EVC2: variants seen among roughly 807,000 people sequenced by gnomAD.
The protein encoded by EVC2 is limbin.
A neutral mutation model predicts 149.3 loss-of-function variants in EVC2; 148 were observed. That is an observed-to-expected ratio of 0.99 (90% confidence interval 0.87 to 1.14). EVC2 has a LOEUF of 1.14. EVC2 is among the 50% of genes most tolerant of loss of function. The pLI, the probability that EVC2 is intolerant of heterozygous loss-of-function variation, is 0.00. For missense variants in EVC2, 1,854 were observed against 1,627.3 expected (o/e 1.14, Z -2.40); for synonymous variants, 776 against 649.9 (o/e 1.19, Z -2.95).
chr4:5,575,954 C>A (rs1051529935), intron 18 of EVC2, among the ~76,000 whole-genome samples: 1 of 152,162 alleles, frequency 6.6e-6, no homozygotes, highest in South Asian at 2.1e-4. Context: ...GTACATGGCA[C>A]TCTCCCTACT....
intron 7 of EVC2, among the ~76,000 whole-genome samples, chr4:5,671,655 G>A (rs1719658855): frequency 6.6e-6 from 1 of 152,144 alleles, no homozygotes; most frequent in Non-Finnish European, 1.5e-5. Flanking sequence ...GGGATTACAG[G>A]CGCCTGCCAC....
downstream of EVC2, among the ~76,000 whole-genome samples, chr4:5,560,419 G>A (rs541369484): frequency 2.8e-4 from 42 of 152,280 alleles, no homozygotes; most frequent in African/African-American, 4.8e-4. This position sits in a 1 kb window ranked among gnomAD's most constrained non-coding sequence, Gnocchi z 4.1. Flanking sequence ...AAGGCGAAGC[G>A]GAAGAACAGC....
intron 21 of EVC2, among the ~76,000 whole-genome samples, chr4:5,554,897 T>A (rs1056081110): frequency 1.3e-5 from 2 of 152,252 alleles, no homozygotes; most frequent in African/African-American, 2.4e-5. Flanking sequence ...GAAATGTATT[T>A]AATTCAAATG....
intron 9 of EVC2, among the ~76,000 whole-genome samples, chr4:5,658,867 C>A (rs1009218244): frequency 6.6e-6 from 1 of 152,176 alleles, no homozygotes; most frequent in African/African-American, 2.4e-5. Flanking sequence ...AAGGCTGGAG[C>A]TAAAACATGC....
At chr4:5,689,515 G>A (rs1720964287) in intron 4 of EVC2, among the ~76,000 whole-genome samples, 172 bp from the exon 5 acceptor site, 1 of 152,176 alleles carries the variant, frequency 6.6e-6, no homozygotes, top group African/African-American at 2.4e-5. Flanking sequence ...AGACCCCCAA[G>A]AGGTTTTGAC....
At chr4:5,568,423 C>T in intron 20 of EVC2, 21 bp downstream of exon 20, 1 of 1,540,252 alleles carries the variant, frequency 6.5e-7, no homozygotes, top group East Asian at 2.4e-5. Context: ...CCCCGGGAGG[C>T]AGCCCCTCCA....
chr4:5,573,811 A>T (rs994393929), intron 19 of EVC2, among the ~76,000 whole-genome samples: 17 of 152,038 alleles, frequency 1.1e-4, no homozygotes, highest in African/African-American at 4.1e-4. Context: ...CCCTTCTTAG[A>T]GGCTGGGGGG....
intron 6 of EVC2, among the ~76,000 whole-genome samples, chr4:5,684,726 T>G (rs1720576629): frequency 6.6e-6 from 1 of 152,184 alleles, no homozygotes; most frequent in African/African-American, 2.4e-5. Flanking sequence ...TGTTAAAGTC[T>G]GAAGTCCAGT....
rs1722372638 is a variant in EVC2, at chr4:5,567,665, A to C, written c.3557+779T>G. Among the ~76,000 whole-genome samples, 1 of 151,724 alleles carries C rather than the reference A, an allele frequency of 6.6e-6. No individual in the cohort carries two copies. Among genetic ancestry groups the C allele is most frequent in the African/African-American group, 2.4e-5 (1 of 41,260 alleles). The stretch of plus-strand genomic sequence containing the variant: ...AAAAGCCTTTAATGACCAAATTCAC[A>C]CCTGGGGCCCCATCCTAAAGGAGAC... On this transcript the variant is annotated intron_variant, in intron 20 of 21. Transcript: ENST00000344408. The surrounding 1 kb of genome is among the most constrained non-coding windows in gnomAD (Gnocchi z 4.4).
chr4:5,639,339 C>T (rs982982950), intron 10 of EVC2, among the ~76,000 whole-genome samples: 1 of 152,192 alleles, frequency 6.6e-6, no homozygotes, highest in African/African-American at 2.4e-5. Flanking sequence ...CATAGGAAAA[C>T]AGAAATCAGG....
chr4:5,667,577 T>C lies in EVC2; in HGVS notation c.871-1928A>G, dbSNP rs112513965. Among the ~76,000 whole-genome samples the C allele has an allele frequency of 7.2e-3, 1,100 of 152,152 alleles. 15 individuals carry two copies. The highest frequency in any genetic ancestry group is 0.025 in the African/African-American group (1,044 of 41,486). On this transcript the variant is annotated intron_variant, in intron 7 of 21. Coordinates refer to ENST00000344408, the MANE Select transcript of EVC2 (RefSeq NM_147127.5). Reference sequence around the variant, plus strand: ...CATACAATCCCACTCACAGGTATGGTTTATTACAGCAAAAAGACACAAAGC... The same window carrying C: ...CATACAATCCCACTCACAGGTATGGCTTATTACAGCAAAAAGACACAAAGC...
At chr4:5,570,074 G>A (rs1339901941) in intron 19 of EVC2, among the ~76,000 whole-genome samples, 1 of 152,110 alleles carries the variant, frequency 6.6e-6, no homozygotes, top group Non-Finnish European at 1.5e-5. Context: ...TGGGTCAGGT[G>A]TCCCTCCTCT....
intron 3 of EVC2, among the ~76,000 whole-genome samples, chr4:5,693,000 C>T (rs1721230823): frequency 6.6e-6 from 1 of 152,202 alleles, no homozygotes; most frequent in Admixed American, 6.5e-5. Context: ...ATCCACTACA[C>T]CCCCGCTAAT....
chr4:5,622,852 T>C lies in EVC2; in HGVS notation c.2186A>G (p.Asp729Gly). ...ATLEELQERL[D>G]QAALDDLRTL... The stretch of plus-strand genomic sequence containing the variant: ...CCTGAGATCGTCCAGGGCGGCCTGG[T>C]CCAGACGCTCCTGCAGCTCCTCCAG... Residue 729 changes from aspartate (D) to glycine (G), a missense_variant, in exon 14 of 22, where the codon GAC becomes GGC. Transcript: ENST00000344408. The surrounding 1 kb of genome is among the most constrained non-coding windows in gnomAD (Gnocchi z 5.8). 6.2e-7 allele frequency: 1 copy of C among 1,614,082 alleles called. No individual in the cohort carries two copies. Among genetic ancestry groups the C allele is most frequent in the Non-Finnish European group, 8.5e-7 (1 of 1,180,018 alleles).
At chr4:5,598,658 G>T (rs1462931644) in intron 16 of EVC2, among the ~76,000 whole-genome samples, 8 of 151,980 alleles carry the variant, frequency 5.3e-5, no homozygotes, top group East Asian at 1.9e-4. Flanking sequence ...CATAGGCATG[G>T]GCAAGGACTT....
intron 19 of EVC2, among the ~76,000 whole-genome samples, chr4:5,573,855 G>A (rs1411869406): frequency 1.3e-5 from 2 of 152,162 alleles, no homozygotes; most frequent in East Asian, 3.9e-4. Flanking sequence ...CAGCTAGCAA[G>A]GCCCACGGGT....
In EVC2 at chr4:5,548,084, C is replaced by T. The variant is rs145291031; in HGVS notation, c.3420-4872G>A. Among the ~76,000 whole-genome samples, 7 of 152,196 alleles carry T rather than the reference C, an allele frequency of 4.6e-5. No homozygotes were observed. The East Asian group carries it at 5.9e-4, about 13-fold the overall frequency. ...AGCAGCTGGTGTGCCTGACTGTGCA[C>T]GGTGGCTGGACCCCTCGCTGGTTCA... On this transcript the variant is annotated intron_variant and NMD_transcript_variant, in intron 21 of 22. Coordinates refer to the EVC2 transcript ENST00000475313.
At chr4:5,540,152 G>C (rs1721489074), downstream of EVC2, among the ~76,000 whole-genome samples, 1 of 152,152 alleles carries the variant, frequency 6.6e-6, no homozygotes, top group South Asian at 2.1e-4. Context: ...TTGACTATTA[G>C]CATAAGTAAA....
At chr4:5,680,379 G>T (rs1392482871) in intron 7 of EVC2, among the ~76,000 whole-genome samples, 5 of 152,200 alleles carry the variant, frequency 3.3e-5, no homozygotes, top group Non-Finnish European at 5.9e-5. Flanking sequence ...AAACAGGTGA[G>T]TAAACGCACC....
Sources: gnomAD v4.1 joint callset for allele counts (sites outside exome capture counted in the v4.1 genomes callset) on GRCh38, gnomAD v4.1.1 for gene constraint, Gnocchi (gnomAD v3.1) non-coding constraint, MANE v1.5 for transcripts, NCBI Gene and HGNC (gene_info 2026-07-23, HGNC 2026-07-21) for gene names.